The following ATR variants were observed in gnomAD, a reference collection of about 807,000 sequenced individuals.
The protein encoded by ATR is ATR checkpoint kinase.
ATR carries 142 observed loss-of-function variants against 305.3 expected under a neutral mutation model. That is an observed-to-expected ratio of 0.47 (90% CI 0.41 to 0.53). The LOEUF (loss-of-function observed/expected upper bound fraction) is 0.53. ATR is among the 20% of genes least tolerant of loss of function. The probability of loss-of-function intolerance (pLI) is 0.00; values close to 1 mark genes in which losing one functional copy is unlikely to be tolerated. For missense variants in ATR, 2,135 were observed against 3,133.1 expected, an observed-to-expected ratio of 0.68 and a Z score of 7.60; for synonymous variants, 1,050 against 1,068.1, an observed-to-expected ratio of 0.98 and a Z score of 0.33.
At chr3:142,455,545 G>A (rs2108254122) in intron 45 of ATR, among the ~76,000 whole-genome samples, 1 of 152,300 alleles carries the variant, frequency 6.6e-6, no homozygotes, top group East Asian at 1.9e-4. Context: ...ACACTGTGTT[G>A]TTAGCATAAG....
In ATR at chr3:142,549,347, T is replaced by C. The variant is rs75957718; in HGVS notation, c.3171+132A>G. On this transcript the variant is annotated intron_variant, in intron 15 of 46. Transcript: ENST00000350721. ...CTCTCAGGACAAAGATTATTTAACA[T>C]AACAACATTTAAACTTACATTCTTC... 0.013 allele frequency: 8,085 copies of C among 611,146 alleles called. 532 individuals carry two copies. The African/African-American group carries it at 0.14, about 11-fold the overall frequency. 37.9% of individuals were successfully genotyped at this position (611,146 alleles called of 1,614,324 possible).
At chr3:142,555,195 C>T (rs1559990688) in intron 10 of ATR, among the ~76,000 whole-genome samples, 1 of 151,074 alleles carries the variant, frequency 6.6e-6, no homozygotes, top group East Asian at 2.0e-4. Context: ...AAGATGGCGC[C>T]ATTGTACTTC....
chr3:142,559,985 A>C (rs572345149), intron 6 of ATR, among the ~76,000 whole-genome samples: 1 of 152,362 alleles, frequency 6.6e-6, no homozygotes, highest in African/African-American at 2.4e-5. Context: ...TTTTGGCTTC[A>C]GACAAAAAAG....
At chr3:142,475,675 T>C (rs1336319857) in intron 36 of ATR, among the ~76,000 whole-genome samples, 1 of 152,240 alleles carries the variant, frequency 6.6e-6, no homozygotes, top group Non-Finnish European at 1.5e-5. Context: ...ACCGCCACAA[T>C]GACTTCCACA....
intron 46 of ATR, chr3:142,452,799 T>C (rs1023487218): frequency 8.6e-7 from 1 of 1,159,744 alleles, no homozygotes; most frequent in South Asian, 2.1e-5. Context: ...ACTGGTATCA[T>C]GATATTAAAG....
In ATR at chr3:142,496,462, T is replaced by G. The variant is rs2031651632; in HGVS notation, c.5797A>C (p.Lys1933Gln). Residue 1933 changes from lysine to glutamine, a missense_variant, in exon 34 of 47, where the codon AAG becomes CAG. Physicochemically the swap from Lys to Gln is moderately conservative, Grantham distance 53. Around this residue, in one of 9 missense-constraint regions of ATR, gnomAD observed 462 missense variants for 887.6 expected, o/e 0.52. Transcript: ENST00000350721. ...CWLQSARVAR[K>Q]AGHHQTAYNA... ...TAGGCTGTCTGGTGGTGACCAGCCT[T>G]TCTAGCTACCCTGGCACTCTGCAGC... The G allele has an allele frequency of 6.2e-7, 1 of 1,612,328 alleles. No individual in the cohort carries two copies. The highest frequency in any genetic ancestry group is 1.3e-5 in the African/African-American group (1 of 74,454).
chr3:142,563,481 T>G (rs1299407619), intron 3 of ATR, among the ~76,000 whole-genome samples: 1 of 152,222 alleles, frequency 6.6e-6, no homozygotes, highest in East Asian at 1.9e-4. Context: ...TGACGTTTGA[T>G]GTTACTATTG....
chr3:142,509,008 G>A (rs1489007568), intron 27 of ATR, among the ~76,000 whole-genome samples: 2 of 151,104 alleles, frequency 1.3e-5, no homozygotes, highest in Admixed American at 1.3e-4. Context: ...TTTTTCAAGA[G>A]TGTACAAAAA....
chr3:142,458,520 C>T (rs1443918507), intron 44 of ATR, among the ~76,000 whole-genome samples: 3 of 152,202 alleles, frequency 2.0e-5, no homozygotes, highest in African/African-American at 7.2e-5. Context: ...TCAATTTATT[C>T]CCAGGTCCCA....
At chr3:142,532,475 T>C (rs922801616) in intron 21 of ATR, among the ~76,000 whole-genome samples, 4 of 152,190 alleles carry the variant, frequency 2.6e-5, no homozygotes, top group Non-Finnish European at 4.4e-5. Flanking sequence ...TTTTCTGCCA[T>C]CCACTGAGCT....
rs2034825529 is a variant in ATR, at chr3:142,560,216, G to C, written c.1541+47C>G. On this transcript the variant is annotated intron_variant, in intron 6 of 46. Coordinates refer to ENST00000350721, the MANE Select transcript of ATR (RefSeq NM_001184.4). ...AATAATGAGTAAACAGTAAATCCAA[G>C]TTCATTACAGGAAACCCAACCCCAA... 7 of 1,560,256 alleles carry C rather than the reference G, an allele frequency of 4.5e-6. No individual in the cohort carries two copies. The East Asian group carries it at 1.1e-4, about 25-fold the overall frequency.
chr3:142,507,511 A>G (rs1292604829), intron 28 of ATR, among the ~76,000 whole-genome samples: 1 of 152,222 alleles, frequency 6.6e-6, no homozygotes, highest in East Asian at 1.9e-4. Context: ...AAGTTTGGGC[A>G]ACTTAAAAAG....
At chr3:142,565,627 A>G (rs2035040083) in intron 3 of ATR, among the ~76,000 whole-genome samples, 2 of 150,636 alleles carry the variant, frequency 1.3e-5, no homozygotes, top group African/African-American at 4.9e-5. Context: ...CAGGCACAGT[A>G]GCATGTGCCT....
At chr3:142,453,325 T>C (rs1445347272) in intron 45 of ATR, 92 bp from the exon 46 acceptor site, 2 of 1,417,816 alleles carry the variant, frequency 1.4e-6, no homozygotes, top group Non-Finnish European at 9.8e-7. Context: ...GAGAAGCTAA[T>C]GGTAATACTC....
At chr3:142,571,753 G>T (rs2035269989) in intron 1 of ATR, among the ~76,000 whole-genome samples, 1 of 152,038 alleles carries the variant, frequency 6.6e-6, no homozygotes, top group Non-Finnish European at 1.5e-5. Flanking sequence ...AGTGGTAAAA[G>T]AAAAAGAGTG....
chr3:142,557,149 C>G (rs78245146), intron 8 of ATR, among the ~76,000 whole-genome samples: 3 of 151,800 alleles, frequency 2.0e-5, no homozygotes, highest in African/African-American at 7.3e-5. Context: ...GCATAAGATT[C>G]CCCATTTCTT....
rs1272159053 is a variant in ATR, at chr3:142,465,260, A to G, written c.6898-20T>C. On this transcript the variant is annotated intron_variant, in intron 40 of 46. Coordinates refer to ENST00000350721, the MANE Select transcript of ATR (RefSeq NM_001184.4). Reference sequence around the variant, plus strand: ...TTCCACCTAAAAGATGATGAGTTATATATGAATTAGGGCCAAAAATTTCTG... The same window carrying G: ...TTCCACCTAAAAGATGATGAGTTATGTATGAATTAGGGCCAAAAATTTCTG... The G allele has an allele frequency of 2.5e-6, 4 of 1,604,486 alleles. No individual in the cohort carries two copies. The highest frequency in any genetic ancestry group is 1.7e-6 in the Non-Finnish European group (2 of 1,174,164).
intron 45 of ATR, among the ~76,000 whole-genome samples, chr3:142,453,873 G>T (rs111936453): frequency 4.6e-4 from 70 of 152,184 alleles, no homozygotes; most frequent in African/African-American, 1.6e-3. Flanking sequence ...CTCTACGGCC[G>T]TGACACTATC....
chr3:142,454,317 C>G (rs1182580500), intron 45 of ATR, among the ~76,000 whole-genome samples: 1 of 152,100 alleles, frequency 6.6e-6, no homozygotes, highest in African/African-American at 2.4e-5. Context: ...CTTGACTGAC[C>G]CAGACTAACA....
Sources: gnomAD v4.1 joint callset for allele counts (sites outside exome capture counted in the v4.1 genomes callset) on GRCh38, gnomAD v4.1.1 for gene constraint, gnomAD v4.1.1 regional missense constraint, MANE v1.5 for transcripts, NCBI Gene and HGNC (gene_info 2026-07-23, HGNC 2026-07-21) for gene names.